Variants in NIBAN2 observed in about 807,000 individuals in gnomAD.
NIBAN2 encodes the protein protein Niban 2.
A neutral mutation model predicts 81.8 loss-of-function variants in NIBAN2; 36 were observed. That is an observed-to-expected ratio of 0.44 (90% CI 0.34 to 0.58). The LOEUF (loss-of-function observed/expected upper bound fraction) is 0.58. Ranked by LOEUF, NIBAN2 falls within the 20% of genes least tolerant of loss-of-function variation. NIBAN2 has a pLI of 0.02. For synonymous variants in NIBAN2, 445 were observed against 441.6 expected (o/e 1.01, Z -0.10); for missense variants, 897 against 1,014.1 (o/e 0.88, Z 1.57).
At chr9:127,527,854 G>A (rs959099061) in intron 2 of NIBAN2, among the ~76,000 whole-genome samples, 2 of 152,168 alleles carry the variant, frequency 1.3e-5, no homozygotes, top group African/African-American at 4.8e-5. Context: ...TGGCTCCAGA[G>A]AGCCTGTCAG....
chr9:127,566,258 G>A (rs114393933), intron 1 of NIBAN2, among the ~76,000 whole-genome samples: 97 of 152,294 alleles, frequency 6.4e-4, no homozygotes, highest in African/African-American at 2.3e-3. Context: ...AGGGACTTCA[G>A]CCATCGAGTG....
At chr9:127,549,107 C>T (rs1461857316) in intron 1 of NIBAN2, among the ~76,000 whole-genome samples, 1 of 152,190 alleles carries the variant, frequency 6.6e-6, no homozygotes, top group East Asian at 1.9e-4. Flanking sequence ...CCAATAAATG[C>T]CAGCTTCTGT....
In NIBAN2 at chr9:127,515,539, AC is replaced by A. The variant is rs1836813274; in HGVS notation, c.973+1317del. ...CCGTCTCAAAAAAAAAAAAAAAAAA[AC>A]AAACAAAAAAAACAGGCCAGGCACA... On this transcript the variant is annotated intron_variant, in intron 8 of 13. Coordinates refer to ENST00000373312, the MANE Select transcript of NIBAN2 (RefSeq NM_022833.4). Among the ~76,000 whole-genome samples the A allele has an allele frequency of 6.5e-3, 477 of 73,310 alleles. 23 individuals are homozygous for A. Among genetic ancestry groups the A allele is most frequent in the South Asian group, 0.01 (31 of 3,036 alleles). The allele number at this position is 73,310 out of a possible 152,430, so 48.1% of individuals were successfully genotyped here.
chr9:127,523,890 C>G, intron 4 of NIBAN2, 44 bp from the exon 5 acceptor site: 2 of 1,579,972 alleles, frequency 1.3e-6, no homozygotes, highest in Non-Finnish European at 1.7e-6. Flanking sequence ...CTGTGGTTGC[C>G]CTCCACCAGA....
rs1357205731 is a variant in NIBAN2 at position 127,531,712 on chromosome 9, A to G, written c.122T>C (p.Phe41Ser). 1 of 1,614,062 alleles carries G rather than the reference A, an allele frequency of 6.2e-7. No homozygotes were observed. Among genetic ancestry groups the G allele is most frequent in the Non-Finnish European group, 8.5e-7 (1 of 1,180,048 alleles). The change falls in exon 2 of 14, where the codon TTC (phenylalanine) becomes TCC (serine). Residue 41 changes from phenylalanine (F) to serine (S), a missense_variant. Physicochemically the swap from Phe to Ser is radical, Grantham distance 155. Coordinates refer to ENST00000373312, the MANE Select transcript of NIBAN2 (RefSeq NM_022833.4). ...FYEDQYGVALFNSMRHEIEGT... is the reference protein window; with the variant it reads ...FYEDQYGVALSNSMRHEIEGT... ...CTCAATCTCATGGCGCATGCTGTTG[A>G]AGAGAGCCACGCCATACTGGTCTTC...
At position 127,523,168 on chromosome 9, in the gene NIBAN2, TTAA is replaced by T. The variant is rs1395408232; in HGVS notation, c.589+508_589+510del. ...CAAATCACCCTGCAGGTTGGTGGTT[TTAA>T]AAAAAAAAAAAAAAAAAAAAAATAT... On this transcript the variant is annotated intron_variant, in intron 5 of 13. Coordinates refer to ENST00000373312, the MANE Select transcript of NIBAN2 (RefSeq NM_022833.4). Among the ~76,000 whole-genome samples, 132 of 18,996 alleles carry T rather than the reference TTAA, an allele frequency of 6.9e-3. 12 individuals are homozygous for T. The highest frequency in any genetic ancestry group is 0.023 in the Middle Eastern group (1 of 44). The allele number at this position is 18,996 out of a possible 152,430, so 12.5% of individuals were successfully genotyped here.
At chr9:127,557,821 G>A (rs1352892016) in intron 1 of NIBAN2, among the ~76,000 whole-genome samples, 1 of 152,204 alleles carries the variant, frequency 6.6e-6, no homozygotes, top group East Asian at 1.9e-4. Flanking sequence ...GAGTGAAAGG[G>A]CTCAGTGTAT....
intron 5 of NIBAN2, among the ~76,000 whole-genome samples, chr9:127,522,313 G>A (rs112563813): frequency 6.6e-6 from 1 of 152,156 alleles, no homozygotes; most frequent in African/African-American, 2.4e-5. Flanking sequence ...CACGGCAGCA[G>A]CCCAGAGGCC....
rs1354125777 is a variant in NIBAN2, at chr9:127,551,692, G to C, written c.55+17128C>G. Among the ~76,000 whole-genome samples the C allele has an allele frequency of 2.0e-5, 3 of 151,932 alleles. No individual in the cohort carries two copies. In the East Asian group the frequency reaches 5.8e-4, roughly 29 times the overall value. Reference sequence around the variant, plus strand: ...ATCACGTCACTGCACTCCAGCCTGGGCAACAAGAGCAAAACTCCATCTTAA... The same window carrying C: ...ATCACGTCACTGCACTCCAGCCTGGCCAACAAGAGCAAAACTCCATCTTAA... On this transcript the variant is annotated intron_variant, in intron 1 of 13. Coordinates refer to ENST00000373312, the MANE Select transcript of NIBAN2 (RefSeq NM_022833.4).
chr9:127,511,449 T>A (rs1006022972), intron 8 of NIBAN2, among the ~76,000 whole-genome samples: 9 of 152,042 alleles, frequency 5.9e-5, no homozygotes, highest in African/African-American at 1.2e-4. Context: ...TCCTCCTGCC[T>A]TGGCCTCCCA....
intron 1 of NIBAN2, among the ~76,000 whole-genome samples, chr9:127,550,879 C>A (rs1837563143): frequency 6.6e-6 from 1 of 152,180 alleles, no homozygotes; most frequent in African/African-American, 2.4e-5. Flanking sequence ...CTGCTTGGAT[C>A]CTGTCAAGTG....
At chr9:127,551,431 G>A (rs749365323) in intron 1 of NIBAN2, among the ~76,000 whole-genome samples, 10 of 152,142 alleles carry the variant, frequency 6.6e-5, no homozygotes, top group Non-Finnish European at 7.4e-5. Context: ...GCTGAGGCAC[G>A]AGAATCGCTT....
chr9:127,555,256 C>T (rs956513002), intron 1 of NIBAN2, among the ~76,000 whole-genome samples: 2 of 152,122 alleles, frequency 1.3e-5, no homozygotes, highest in Admixed American at 1.3e-4. Context: ...GGGCTTTGGG[C>T]CACCTTTCTG....
At chr9:127,565,946 T>TCACACACA (rs10682812) in intron 1 of NIBAN2, among the ~76,000 whole-genome samples, 2,245 of 130,592 alleles carry the variant, frequency 0.017, 39 homozygotes, top group Admixed American at 0.038. Context: ...TCTCTCTCTC[T>TCACACACA]CACACACACA....
chr9:127,539,140 CA>C (rs577537821), intron 1 of NIBAN2, among the ~76,000 whole-genome samples: 6 of 149,270 alleles, frequency 4.0e-5, no homozygotes, highest in East Asian at 2.0e-4. Flanking sequence ...TTGGGTCAGT[CA>C]AAAAAAAAGA....
At chr9:127,510,395 G>C in intron 8 of NIBAN2, 62 bp from the exon 9 acceptor site, 1 of 1,320,818 alleles carries the variant, frequency 7.6e-7, no homozygotes, top group South Asian at 1.4e-5. Context: ...AGCCATCCCA[G>C]AGCCCAGGTG....
chr9:127,532,310 T>TA lies in NIBAN2; in HGVS notation c.56-533dup, dbSNP rs1837198883. Among the ~76,000 whole-genome samples, 2 of 152,080 alleles carry TA rather than the reference T, an allele frequency of 1.3e-5. 1 individual carries two copies. Among genetic ancestry groups the TA allele is most frequent in the South Asian group, 4.1e-4 (2 of 4,828 alleles). On this transcript the variant is annotated intron_variant, in intron 1 of 13. Coordinates refer to ENST00000373312, the MANE Select transcript of NIBAN2 (RefSeq NM_022833.4). ...TTCATTCACCCAGGTCAGTAAAAAG[T>TA]AAAAAGATGGAGGGGGGCCAGGCAT...
At chr9:127,578,544 C>T (rs1257784914) in intron 1 of NIBAN2, among the ~76,000 whole-genome samples, 1 of 151,592 alleles carries the variant, frequency 6.6e-6, no homozygotes, top group Non-Finnish European at 1.5e-5. Context: ...GCCCTGTCAT[C>T]CCAGCTACTC....
intron 1 of NIBAN2, among the ~76,000 whole-genome samples, chr9:127,532,429 C>G (rs1303664205): frequency 6.6e-6 from 1 of 151,932 alleles, no homozygotes; most frequent in Non-Finnish European, 1.5e-5. Context: ...AATCCTGTCT[C>G]TACTAAAAAT....
Sources: gnomAD v4.1 joint callset for allele counts (sites outside exome capture counted in the v4.1 genomes callset) on GRCh38, gnomAD v4.1.1 for gene constraint, MANE v1.5 for transcripts, NCBI Gene and HGNC (gene_info 2026-07-23, HGNC 2026-07-21) for gene names.